Variants in THEM6 observed in about 807,000 individuals in gnomAD.
THEM6 encodes thioesterase superfamily member 6.
A neutral mutation model predicts 13.7 loss-of-function variants in THEM6; 10 were observed. The observed-to-expected ratio is 0.73, with a 90% CI of 0.45 to 1.24. The LOEUF (loss-of-function observed/expected upper bound fraction) is 1.24. Among genes scored for constraint, THEM6 ranks in the 50% most tolerant of loss-of-function variants. The pLI, the probability that THEM6 is intolerant of heterozygous loss-of-function variation, is 0.00. For synonymous variants in THEM6, 161 were observed against 156.0 expected, an observed-to-expected ratio of 1.03 and a Z score of -0.24; for missense variants, 317 against 312.6, an observed-to-expected ratio of 1.01 and a Z score of -0.11.
intron 1 of THEM6, among the ~76,000 whole-genome samples, chr8:142,733,257 C>T (rs940968519): frequency 1.3e-5 from 2 of 152,196 alleles, no homozygotes; most frequent in African/African-American, 4.8e-5. Flanking sequence ...ACCTAATGCC[C>T]GCTTGGACCA....
chr8:142,735,250 G>A, intron 1 of THEM6, 76 bp from the exon 2 acceptor site: 1 of 1,103,998 alleles, frequency 9.1e-7, no homozygotes, highest in Admixed American at 2.0e-5. Context: ...GTCACGGGCT[G>A]GGGAGCAGTG....
chr8:142,735,519 C>A lies in THEM6; in HGVS notation c.*80C>A. On this transcript the variant is annotated 3_prime_UTR_variant, in exon 2 of 2. Coordinates refer to ENST00000336138, the MANE Select transcript of THEM6 (RefSeq NM_016647.3). ...ACAGATGGGCAGTCTCAGCCATACT[C>A]TGTTCCAGCTGGAGTAGCCTCCTGA... 1.8e-6 allele frequency: 2 copies of A among 1,126,338 alleles called. No individual in the cohort carries two copies. Among genetic ancestry groups the A allele is most frequent in the Non-Finnish European group, 2.6e-6 (2 of 770,484 alleles). The allele number at this position is 1,126,338 out of a possible 1,614,324, so 69.8% of individuals were successfully genotyped here.
At position 142,727,784 on chromosome 8, in the gene THEM6, C is replaced by A; in HGVS notation, c.438C>A (p.Cys146Ter). ...TCAGCCTGCGGGACGGCTTCGTGTG[C>A]GCGCTGCTGCGCTTCCGGCAGCACC... ...RFVSLRDGFV[C>*]ALLRFRQHLL... The change falls in exon 1 of 2, where the codon TGC becomes TGA. Residue 146 changes from cysteine to a stop codon, truncating the protein, a stop_gained. Coordinates refer to ENST00000336138, the MANE Select transcript of THEM6 (RefSeq NM_016647.3). LOFTEE classifies it high-confidence loss of function. 3 of 1,465,342 alleles carry A rather than the reference C, an allele frequency of 2.0e-6. No homozygotes were observed. Among genetic ancestry groups the A allele is most frequent in the Non-Finnish European group, 2.7e-6 (3 of 1,117,394 alleles). The allele number at this position is 1,465,342 out of a possible 1,614,324, so 90.8% of individuals were successfully genotyped here. A position where few individuals can be genotyped will look rare whatever the true frequency, so the allele number is the denominator to read the frequency against.
In THEM6 at chr8:142,727,666, A is replaced by G. The variant is rs1554642496; in HGVS notation, c.320A>G (p.His107Arg). ...HTVLAASCAR[H>R]RRSLRLLEPF... The stretch of plus-strand genomic sequence containing the variant: ...GTGCTGGCGGCCTCGTGCGCGCGCC[A>G]CCGCCGCTCGCTGCGCCTGCTGGAG... Residue 107 changes from histidine to arginine, a missense_variant, in exon 1 of 2, where the codon CAC (histidine) becomes CGC (arginine). By Grantham distance (29) the His-to-Arg change is conservative (BLOSUM62 0). Transcript: ENST00000336138. 2 of 1,434,028 alleles carry G rather than the reference A, an allele frequency of 1.4e-6. No individual in the cohort carries two copies. Among genetic ancestry groups the G allele is most frequent in the East Asian group, 5.9e-5 (2 of 33,954 alleles). 88.8% of individuals were successfully genotyped at this position (1,434,028 alleles called of 1,614,324 possible).
intron 1 of THEM6, among the ~76,000 whole-genome samples, chr8:142,732,161 A>AATATATATGT (rs1815658945): frequency 2.7e-5 from 1 of 37,218 alleles, no homozygotes; most frequent in African/African-American, 7.0e-5. Context: ...GGGAGTTTTG[A>AATATATATGT]ATATATATAT....
chr8:142,729,040 C>T (rs991693931), intron 1 of THEM6, among the ~76,000 whole-genome samples: 2 of 147,890 alleles, frequency 1.4e-5, no homozygotes, highest in African/African-American at 2.5e-5. Flanking sequence ...TCCGGGTTCA[C>T]GCCATTCTCC....
chr8:142,735,583 C>A lies in THEM6; in HGVS notation c.*144C>A, dbSNP rs1206211387. 7.7e-6 allele frequency: 5 copies of A among 650,558 alleles called. No homozygotes were observed. The highest frequency in any genetic ancestry group is 1.1e-5 in the Non-Finnish European group (4 of 361,874). The allele number at this position is 650,558 out of a possible 1,614,324, so 40.3% of individuals were successfully genotyped here. A position where few individuals can be genotyped will look rare whatever the true frequency, so the allele number is the denominator to read the frequency against. On this transcript the variant is annotated 3_prime_UTR_variant, in exon 2 of 2. Transcript: ENST00000336138. ...CCCTGCTCCACCCACTGGGCCCCCC[C>A]AGTTATTGATACCCCTCTGTGCTGG... is the stretch of plus-strand genomic sequence containing the variant.
chr8:142,733,033 CAG>C (rs1815687003), intron 1 of THEM6, among the ~76,000 whole-genome samples: 1 of 152,210 alleles, frequency 6.6e-6, no homozygotes, highest in East Asian at 1.9e-4. Flanking sequence ...ACAAAGGAAA[CAG>C]GGTCATTTAT....
chr8:142,728,872 G>A (rs1815579782), intron 1 of THEM6, among the ~76,000 whole-genome samples: 1 of 152,042 alleles, frequency 6.6e-6, no homozygotes, highest in Non-Finnish European at 1.5e-5. Context: ...TCTGCTACAA[G>A]GGTTTGTGAT....
chr8:142,735,750 G>T lies in THEM6; in HGVS notation c.*311G>T. On this transcript the variant is annotated 3_prime_UTR_variant, in exon 2 of 2. Coordinates refer to ENST00000336138, the MANE Select transcript of THEM6 (RefSeq NM_016647.3). ...GTGGGCCTAGGTAGGGGAGGATGGT[G>T]CCTGGAGCAGAGGGACCCACAAGTG... 3.0e-6 allele frequency: 1 copy of T among 337,100 alleles called. No individual in the cohort carries two copies. The highest frequency in any genetic ancestry group is 5.7e-6 in the Non-Finnish European group (1 of 175,134). The allele number at this position is 337,100 out of a possible 1,614,324, so 20.9% of individuals were successfully genotyped here.
intron 1 of THEM6, among the ~76,000 whole-genome samples, chr8:142,728,555 C>T (rs1010628547): frequency 2.0e-5 from 3 of 152,346 alleles, no homozygotes; most frequent in South Asian, 4.1e-4. Context: ...GGCCTGTGCA[C>T]CCCTGGTGTG....
At chr8:142,729,720 A>G (rs1167321953) in intron 1 of THEM6, among the ~76,000 whole-genome samples, 1 of 152,200 alleles carries the variant, frequency 6.6e-6, no homozygotes, top group African/African-American at 2.4e-5. Flanking sequence ...GTGATAGAGA[A>G]GGACAGGGTT....
In THEM6 at chr8:142,735,367, C is replaced by G. The variant is rs1401153320; in HGVS notation, c.555C>G (p.Ile185Met). 1.9e-6 allele frequency: 3 copies of G among 1,578,056 alleles called. No individual in the cohort carries two copies. The highest frequency in any genetic ancestry group is 3.6e-5 in the Admixed American group (2 of 55,170). ...TGCCCGCTGATCTGCAGCACTGGAT[C>G]TCCTACAACGAGGCCAGCAGCCAGC... ...PELPADLQHW[I>M]SYNEASSQLL... The change falls in exon 2 of 2, where the codon ATC (isoleucine) becomes ATG (methionine). Residue 185 changes from isoleucine to methionine, a missense_variant. Ile to Met is a conservative substitution (Grantham distance 10). Coordinates refer to ENST00000336138, the MANE Select transcript of THEM6 (RefSeq NM_016647.3).
At position 142,727,802 on chromosome 8, in the gene THEM6, G is replaced by A; in HGVS notation, c.456G>A (p.Arg152=). The A allele has an allele frequency of 6.8e-7, 1 of 1,468,660 alleles. No homozygotes were observed. Among genetic ancestry groups the A allele is most frequent in the Non-Finnish European group, 8.9e-7 (1 of 1,118,756 alleles). 91.0% of individuals were successfully genotyped at this position (1,468,660 alleles called of 1,614,324 possible). The change falls in exon 1 of 2, where the codon CGG becomes CGA. Residue 152 remains arginine (R), a synonymous_variant. Coordinates refer to ENST00000336138, the MANE Select transcript of THEM6 (RefSeq NM_016647.3). ...TCGTGTGCGCGCTGCTGCGCTTCCG[G>A]CAGCACCTGCTGGGCACCTCACCCG... ...DGFVCALLRF[R]QHLLGTSPER...
chr8:142,730,732 A>T (rs1430956744), intron 1 of THEM6, among the ~76,000 whole-genome samples: 1 of 152,118 alleles, frequency 6.6e-6, no homozygotes, highest in East Asian at 1.9e-4. Flanking sequence ...TATTAATGTT[A>T]AACTTAATAA....
intron 1 of THEM6, among the ~76,000 whole-genome samples, chr8:142,728,357 G>A (rs1815562875): frequency 1.3e-5 from 2 of 152,228 alleles, no homozygotes; most frequent in African/African-American, 4.8e-5. Flanking sequence ...GAGCCGAGTA[G>A]CTGAAAGCCT....
In THEM6 at chr8:142,727,335, G is replaced by A. The variant is rs1554642388; in HGVS notation, c.-12G>A. Reference sequence around the variant, plus strand: ...ACGGACTCCGCAGGACCCCGCGCCCGCCGCCGCCGCTATGCTGGGGCTGCT... The same window carrying A: ...ACGGACTCCGCAGGACCCCGCGCCCACCGCCGCCGCTATGCTGGGGCTGCT... On this transcript the variant is annotated 5_prime_UTR_variant, in exon 1 of 2. Transcript: ENST00000336138. The A allele has an allele frequency of 2.6e-5, 38 of 1,486,204 alleles. 1 individual carries two copies. In the East Asian group the frequency reaches 1.0e-3, roughly 40 times the overall value. The allele number at this position is 1,486,204 out of a possible 1,614,324, so 92.1% of individuals were successfully genotyped here.
intron 1 of THEM6, among the ~76,000 whole-genome samples, chr8:142,730,415 C>A (rs1396549120): frequency 6.6e-6 from 1 of 152,158 alleles, no homozygotes; most frequent in Non-Finnish European, 1.5e-5. Flanking sequence ...GGAAGGGAAA[C>A]TGGAAGATAA....
intron 1 of THEM6, among the ~76,000 whole-genome samples, chr8:142,730,430 A>T: frequency 6.6e-6 from 1 of 152,206 alleles, no homozygotes; most frequent in East Asian, 1.9e-4. Context: ...AGATAAATTA[A>T]GTATATCATT....
Sources: gnomAD v4.1 joint callset for allele counts (sites outside exome capture counted in the v4.1 genomes callset) on GRCh38, gnomAD v4.1.1 for gene constraint, MANE v1.5 for transcripts, NCBI Gene and HGNC (gene_info 2026-07-23, HGNC 2026-07-21) for gene names.